Variants in MED24 observed in about 807,000 individuals in gnomAD.
The protein encoded by MED24 is mediator of RNA polymerase II transcription subunit 24.
Under a neutral mutation model 118.8 loss-of-function variants are expected in MED24, and 74 were observed. The observed-to-expected ratio is 0.62, with a 90% CI of 0.52 to 0.76. The LOEUF (loss-of-function observed/expected upper bound fraction) is 0.76. Among genes scored for constraint, MED24 ranks in the 30% least tolerant of loss-of-function variants. The pLI, the probability that MED24 is intolerant of heterozygous loss-of-function variation, is 0.00. For synonymous variants in MED24, 521 were observed against 523.9 expected, an observed-to-expected ratio of 0.99 and a Z score of 0.08; for missense variants, 1,041 against 1,278.9, an observed-to-expected ratio of 0.81 and a Z score of 2.84.
In MED24 at chr17:40,032,675, TGAGC is replaced by T; in HGVS notation, c.906_909del (p.Leu303SerfsTer15). On this transcript the variant is annotated frameshift_variant, in exon 9 of 26. Transcript: ENST00000394128. LOFTEE classifies it high-confidence loss of function. ...TTGAGGAAAGTGAAAGCTGTCCACT[TGAGC>T]TCCTCCGTACCCTCGGGAGACTCAA... 2 of 1,613,726 alleles carry T rather than the reference TGAGC, an allele frequency of 1.2e-6. No homozygotes were observed. The highest frequency in any genetic ancestry group is 1.7e-6 in the Non-Finnish European group (2 of 1,179,828).
At chr17:40,035,067 C>A in intron 6 of MED24, 50 bp downstream of exon 6, 1 of 1,608,780 alleles carries the variant, frequency 6.2e-7, no homozygotes, top group Non-Finnish European at 8.5e-7. Flanking sequence ...ATTAAAGGAC[C>A]GGCTATGGGA....
At chr17:40,019,707 G>A in intron 25 of MED24, 62 bp from the exon 26 acceptor site, 1 of 1,586,192 alleles carries the variant, frequency 6.3e-7, no homozygotes, top group South Asian at 1.1e-5. Flanking sequence ...TGTCCCAGGG[G>A]GAAGGAGGCC....
rs1455474809 is a variant in MED24, at chr17:40,021,988, T to C, written c.2590A>G (p.Asn864Asp). 1.9e-6 allele frequency: 3 copies of C among 1,611,112 alleles called. No individual in the cohort carries two copies. The highest frequency in any genetic ancestry group is 2.7e-5 in the African/African-American group (2 of 74,784). The change falls in exon 23 of 26, where the codon AAT (asparagine) becomes GAT (aspartate). Residue 864 changes from asparagine (N) to aspartate (D), a missense_variant. Physicochemically the swap from Asn to Asp is conservative, Grantham distance 23 (BLOSUM62 1). This residue lies in a region of MED24 where 587 missense variants were observed against 694.4 expected (regional missense o/e 0.85). Transcript: ENST00000394128. ...GAAAGGATGTTGGCATCGTCCTCAT[T>C]AGAGCTCAGCAGTCGCATCAACTTC... ...PSKLMRLLSS[N>D]EDDANILSSP...
intron 19 of MED24, among the ~76,000 whole-genome samples, chr17:40,024,502 C>T (rs1982414798): frequency 6.6e-6 from 1 of 152,136 alleles, no homozygotes; most frequent in African/African-American, 2.4e-5. Context: ...CCACAGCACT[C>T]CAGCCTGGGT....
intron 22 of MED24, 99 bp from the exon 23 acceptor site, chr17:40,022,153 G>T: frequency 4.0e-6 from 4 of 1,006,656 alleles, no homozygotes; most frequent in Non-Finnish European, 5.8e-6. Context: ...AGGTCAGCAT[G>T]GCTAGCAGGG....
Position 40,023,137 on chromosome 17 carries a change from C to T in MED24, c.2244G>A (p.Leu748=), listed in dbSNP as rs368549144. ...MGGVYWFCNN[L]IKELLKETRK... Reference sequence around the variant, plus strand: ...GCCACTCCAGCCCAAGTACCTTAATCAGGTTGTTGCAGAACCAGTAGACGC... The same window carrying T: ...GCCACTCCAGCCCAAGTACCTTAATTAGGTTGTTGCAGAACCAGTAGACGC... Residue 748 remains leucine, a synonymous_variant, in exon 20 of 26, where the codon CTG becomes CTA. Coordinates refer to ENST00000394128, the MANE Select transcript of MED24 (RefSeq NM_014815.4). 2.2e-5 allele frequency: 35 copies of T among 1,613,188 alleles called. No homozygotes were observed. The highest frequency in any genetic ancestry group is 6.7e-5 in the Admixed American group (4 of 59,940).
intron 3 of MED24, among the ~76,000 whole-genome samples, chr17:40,050,157 A>C (rs1181394649): frequency 6.7e-6 from 1 of 149,158 alleles, no homozygotes; most frequent in Non-Finnish European, 1.5e-5. Context: ...GTCTCAAAAA[A>C]AAAAAAAAAA....
At chr17:40,030,712 GC>G (rs1983269870) in intron 12 of MED24, among the ~76,000 whole-genome samples, 1 of 151,702 alleles carries the variant, frequency 6.6e-6, no homozygotes, top group African/African-American at 2.4e-5. Context: ...AGGCTGGGGT[GC>G]AGTGGCATGA....
At chr17:40,030,670 T>A (rs199514244) in intron 12 of MED24, among the ~76,000 whole-genome samples, 207 of 134,194 alleles carry the variant, frequency 1.5e-3, no homozygotes, top group Middle Eastern at 3.8e-3. Flanking sequence ...TTATTTATTT[T>A]TTTTTTGAGA....
chr17:40,025,447 G>A (rs1217949444), intron 19 of MED24, among the ~76,000 whole-genome samples: 1 of 152,102 alleles, frequency 6.6e-6, no homozygotes, highest in Non-Finnish European at 1.5e-5. Context: ...GTAAGACCTT[G>A]TCTCAACAAC....
intron 11 of MED24, 46 bp downstream of exon 11, chr17:40,031,492 C>A (rs1393151811): frequency 7.1e-6 from 11 of 1,553,262 alleles, no homozygotes; most frequent in Admixed American, 1.7e-5. Flanking sequence ...GGGGAAGAGC[C>A]CAGAACGCCT....
intron 22 of MED24, 63 bp downstream of exon 22, chr17:40,022,331 T>G: frequency 1.3e-6 from 2 of 1,504,880 alleles, no homozygotes; most frequent in Non-Finnish European, 1.8e-6. Flanking sequence ...TGGGGAATCC[T>G]TAGGAAATGC....
intron 25 of MED24, 42 bp from the exon 26 acceptor site, chr17:40,019,687 G>C: frequency 6.3e-7 from 1 of 1,580,480 alleles, no homozygotes; most frequent in Non-Finnish European, 8.6e-7. Flanking sequence ...ACGGCTGGTG[G>C]TGGGTGTGCT....
chr17:40,029,854 G>A lies in MED24; in HGVS notation c.1160C>T (p.Ala387Val), dbSNP rs776776500. 1.7e-5 allele frequency: 27 copies of A among 1,613,802 alleles called. No homozygotes were observed. Among genetic ancestry groups the A allele is most frequent in the African/African-American group, 6.7e-5 (5 of 74,914 alleles). The change falls in exon 13 of 26, where the codon GCG (alanine) becomes GTG (valine). Residue 387 changes from alanine to valine, a missense_variant. This residue lies in a region of MED24 where 434 missense variants were observed against 514.9 expected (regional missense o/e 0.84). Coordinates refer to ENST00000394128, the MANE Select transcript of MED24 (RefSeq NM_014815.4). The part of the protein sequence containing the change: ...SVNNLMAKRK[A>V]DREHAPQQKS... The stretch of plus-strand genomic sequence containing the variant: ...CTGCTGGGGTGCGTGCTCTCGGTCC[G>A]CTTTGCTGTGGACATCACCAGTTGG...
Position 40,019,949 on chromosome 17 carries a change from G to T in MED24, c.2705-16C>A. 6.4e-7 allele frequency: 1 copy of T among 1,558,594 alleles called. No individual in the cohort carries two copies. The highest frequency in any genetic ancestry group is 8.7e-7 in the Non-Finnish European group (1 of 1,150,948). ...AACAGGTTGGCTGTAGAGAGTGGGG[G>T]GAGAGTGACAGGAGGGAGTTCCATG... On this transcript the variant is annotated splice_polypyrimidine_tract_variant and intron_variant, in intron 24 of 25. Coordinates refer to ENST00000394128, the MANE Select transcript of MED24 (RefSeq NM_014815.4).
intron 3 of MED24, among the ~76,000 whole-genome samples, chr17:40,050,509 C>T (rs1165629445): frequency 6.6e-6 from 1 of 151,980 alleles, no homozygotes; most frequent in Non-Finnish European, 1.5e-5. Flanking sequence ...ACATGTAAGC[C>T]ATTATCCTCA....
At chr17:40,019,723 C>G in intron 25 of MED24, 62 bp downstream of exon 25, 1 of 1,592,980 alleles carries the variant, frequency 6.3e-7, no homozygotes, top group Non-Finnish European at 8.6e-7. Flanking sequence ...AGGCCCCTCC[C>G]TGCTCTAAGG....
In MED24 at chr17:40,027,092, C is replaced by A. The variant is rs1284829493; in HGVS notation, c.1531-58G>T. On this transcript the variant is annotated intron_variant, in intron 16 of 25. Coordinates refer to ENST00000394128, the MANE Select transcript of MED24 (RefSeq NM_014815.4). ...GGGGAGGGCGCGGCGCCTGCCAGCG[C>A]TGGACCTGGGGCTGCACTGTTTCCC... is the stretch of plus-strand genomic sequence containing the variant. The A allele has an allele frequency of 4.4e-6, 7 of 1,585,224 alleles. No homozygotes were observed. The East Asian group carries it at 1.4e-4, about 31-fold the overall frequency.
In MED24 at chr17:40,033,594, G is replaced by A. The variant is rs1359364969; in HGVS notation, c.560-138C>T. On this transcript the variant is annotated intron_variant, in intron 6 of 25. Transcript: ENST00000394128. This position sits in a 1 kb window ranked among gnomAD's most constrained non-coding sequence, Gnocchi z 5.2. The stretch of plus-strand genomic sequence containing the variant: ...GGCTTCCCCTGAGGACAACAGGGAG[G>A]GAGGGGCCTGAGGGCAGCATGCACT... 26 of 750,362 alleles carry A rather than the reference G, an allele frequency of 3.5e-5. No individual in the cohort carries two copies. In the Admixed American group the frequency reaches 3.8e-4, roughly 11 times the overall value. The allele number at this position is 750,362 out of a possible 1,614,324, so 46.5% of individuals were successfully genotyped here. A position where few individuals can be genotyped will look rare whatever the true frequency, so the allele number is the denominator to read the frequency against.
Sources: allele counts gnomAD v4.1 joint callset (sites outside exome capture counted in the v4.1 genomes callset), GRCh38; gene constraint gnomAD v4.1.1; regional missense constraint gnomAD v4.1.1; non-coding constraint Gnocchi (gnomAD v3.1); transcripts MANE v1.5; gene names NCBI Gene and HGNC (gene_info 2026-07-23, HGNC 2026-07-21).